Variants in TRAPPC10 observed in about 807,000 individuals in gnomAD.
TRAPPC10 encodes the protein TRAPP 130 kDa subunit.
A neutral mutation model predicts 125.5 loss-of-function variants in TRAPPC10; 23 were observed. The observed-to-expected ratio is 0.18, with a 90% CI of 0.13 to 0.26. The LOEUF (loss-of-function observed/expected upper bound fraction) is 0.26. Ranked by LOEUF, TRAPPC10 falls within the 10% of genes least tolerant of loss-of-function variation. TRAPPC10 has a pLI of 1.00. For missense variants in TRAPPC10, 1,123 were observed against 1,308.4 expected, an observed-to-expected ratio of 0.86 and a Z score of 2.19; for synonymous variants, 509 against 518.0, an observed-to-expected ratio of 0.98 and a Z score of 0.24.
At chr21:44,084,396 AT>A (rs1185097150) in intron 15 of TRAPPC10, 133 bp downstream of exon 15, 3 of 864,282 alleles carry the variant, frequency 3.5e-6, no homozygotes. Flanking sequence ...CATAATGGAA[AT>A]TTTGCCTGGG....
rs954810521 is a variant in TRAPPC10 at position 44,047,565 on chromosome 21, T to TGTGTGTGTGTGTGTGTGTGTGTGCGC, written c.286-4714_286-4713insTGTGTGTGTGTGTGTGTGTGTGCGCG. Among the ~76,000 whole-genome samples, 377 of 147,164 alleles carry TGTGTGTGTGTGTGTGTGTGTGTGCGC rather than the reference T, an allele frequency of 2.6e-3. 5 individuals are homozygous for TGTGTGTGTGTGTGTGTGTGTGTGCGC. The highest frequency in any genetic ancestry group is 8.7e-3 in the African/African-American group (335 of 38,684). On this transcript the variant is annotated intron_variant, in intron 3 of 22. Coordinates refer to ENST00000291574, the MANE Select transcript of TRAPPC10 (RefSeq NM_003274.5). ...GTGTGTGTGTGTGTGTGTGTGTGTG[T>TGTGTGTGTGTGTGTGTGTGTGTGCGC]GCGCGCACACGCTACATGAAGTTCC... is the stretch of plus-strand genomic sequence containing the variant.
At chr21:44,029,949 C>T (rs1187007258) in intron 1 of TRAPPC10, among the ~76,000 whole-genome samples, 3 of 152,142 alleles carry the variant, frequency 2.0e-5, no homozygotes, top group African/African-American at 4.8e-5. Flanking sequence ...TCAGATGGTC[C>T]CAGGTCAAAT....
At chr21:44,040,685 G>A (rs149373826) in intron 3 of TRAPPC10, among the ~76,000 whole-genome samples, 1 of 151,632 alleles carries the variant, frequency 6.6e-6, no homozygotes, top group African/African-American at 2.4e-5. Flanking sequence ...GCAGTGGTGC[G>A]ATCTTGGTTC....
In TRAPPC10 at chr21:44,046,709, T is replaced by C. The variant is rs149847492; in HGVS notation, c.286-5571T>C. On this transcript the variant is annotated intron_variant, in intron 3 of 22. Coordinates refer to ENST00000291574, the MANE Select transcript of TRAPPC10 (RefSeq NM_003274.5). ...TTTTAGTAGAGACGGGGTTTCTCCA[T>C]GTTGGTCAGGCTGGTCTTGAACTTC... 473 of 336,782 alleles carry C rather than the reference T, an allele frequency of 1.4e-3. 3 individuals carry two copies. The highest frequency in any genetic ancestry group is 9.5e-3 in the African/African-American group (433 of 45,752). 20.9% of individuals were successfully genotyped at this position (336,782 alleles called of 1,614,324 possible).
At chr21:44,093,973 C>G (rs2038755706) in intron 19 of TRAPPC10, 90 bp from the exon 20 acceptor site, 1 of 1,395,376 alleles carries the variant, frequency 7.2e-7, no homozygotes, top group Admixed American at 2.0e-5. Flanking sequence ...TGCTCAGCAC[C>G]CTTCGCATGG....
chr21:44,073,653 C>T (rs1289503077), intron 7 of TRAPPC10, among the ~76,000 whole-genome samples: 2 of 152,202 alleles, frequency 1.3e-5, no homozygotes, highest in African/African-American at 4.8e-5. Flanking sequence ...ACTTCATCTG[C>T]ATCCTCGTTC....
chr21:44,082,737 C>T lies in TRAPPC10; in HGVS notation c.1724-51C>T, dbSNP rs1474456655. ...TGTGTCCGCGGCCTGCTGCTGCTTACTGTCAGGAAGTGTGACTTGGGGAGT... is the reference window on the plus strand; with the variant it reads ...TGTGTCCGCGGCCTGCTGCTGCTTATTGTCAGGAAGTGTGACTTGGGGAGT... On this transcript the variant is annotated intron_variant, in intron 13 of 22. Coordinates refer to ENST00000291574, the MANE Select transcript of TRAPPC10 (RefSeq NM_003274.5). The surrounding 1 kb of genome is among the most constrained non-coding windows in gnomAD (Gnocchi z 4.4). The T allele has an allele frequency of 6.3e-7, 1 of 1,598,754 alleles. No homozygotes were observed.
Position 44,091,986 on chromosome 21 carries a change from T to C in TRAPPC10, c.2934T>C (p.Tyr978=), listed in dbSNP as rs1422262060. Residue 978 remains tyrosine (Y), a synonymous_variant, in exon 19 of 23, where the codon TAT becomes TAC. Coordinates refer to ENST00000291574, the MANE Select transcript of TRAPPC10 (RefSeq NM_003274.5). The stretch of plus-strand genomic sequence containing the variant: ...TTGACTTTCAGCTGTCAGATAGTTA[T>C]CTTGTAGATACCGGTGATAGTACCG... ...SELDFQLSDS[Y]LVDTGDSTDL... 3 of 1,614,058 alleles carry C rather than the reference T, an allele frequency of 1.9e-6. No individual in the cohort carries two copies. The highest frequency in any genetic ancestry group is 2.2e-5 in the South Asian group (2 of 91,088).
Position 44,042,046 on chromosome 21 carries a change from TTCTC to T in TRAPPC10, c.285+4123_285+4126del, listed in dbSNP as rs988690820. 4.8e-4 allele frequency among the ~76,000 whole-genome samples: 73 copies of T among 152,294 alleles called. 1 individual carries two copies. The Middle Eastern group carries it at 0.02, about 43-fold the overall frequency. ...ATTTCTTATTTTGTATATTTGTGCTTTCTCTCTTTCTTCCTTGATTAAATTAGCT... is the reference window on the plus strand; with the variant it reads ...ATTTCTTATTTTGTATATTTGTGCTTTCTTTCTTCCTTGATTAAATTAGCT... On this transcript the variant is annotated intron_variant, in intron 3 of 22. Transcript: ENST00000291574.
chr21:44,089,950 G>A lies in TRAPPC10; in HGVS notation c.2870+17G>A, dbSNP rs373150278. ...AGGAACACGGTAACGGAGGCGTAGC[G>A]TGCGGGCCCTGGCTTCTTTCCCCAG... On this transcript the variant is annotated intron_variant, in intron 18 of 22. Coordinates refer to ENST00000291574, the MANE Select transcript of TRAPPC10 (RefSeq NM_003274.5). The A allele has an allele frequency of 1.6e-5, 25 of 1,597,476 alleles. No homozygotes were observed. The highest frequency in any genetic ancestry group is 1.5e-4 in the African/African-American group (11 of 74,576).
chr21:44,062,840 C>T (rs748548936), intron 6 of TRAPPC10: 1 of 985,292 alleles, frequency 1.0e-6, no homozygotes, highest in African/African-American at 1.7e-5. Context: ...GGTTATGACA[C>T]CTCTCTGTTG....
chr21:44,074,245 C>G (rs2037106542), intron 7 of TRAPPC10, 79 bp from the exon 8 acceptor site: 1 of 1,574,694 alleles, frequency 6.4e-7, no homozygotes, highest in Admixed American at 1.7e-5. Flanking sequence ...TTTGCACGTT[C>G]AAGCTAGAGC....
At position 44,055,758 on chromosome 21, in the gene TRAPPC10, C is replaced by T; in HGVS notation, c.543C>T (p.Ala181=). The T allele has an allele frequency of 6.2e-7, 1 of 1,613,672 alleles. No homozygotes were observed. Among genetic ancestry groups the T allele is most frequent in the Non-Finnish European group, 8.5e-7 (1 of 1,179,656 alleles). The change falls in exon 5 of 23, where the codon GCC becomes GCT. Residue 181 remains alanine, a synonymous_variant. Coordinates refer to ENST00000291574, the MANE Select transcript of TRAPPC10 (RefSeq NM_003274.5). ...DSSRTQESWN[A]FLTKLRTLLL... ...CTCGAACTCAGGAATCCTGGAATGC[C>T]TTCCTGACCAAACTCAGGACATTGC...
At chr21:44,052,800 T>G (rs914931857) in intron 4 of TRAPPC10, among the ~76,000 whole-genome samples, 3 of 151,542 alleles carry the variant, frequency 2.0e-5, no homozygotes, top group African/African-American at 7.3e-5. Context: ...AGGTTTTTGT[T>G]TTTTTTTTGA....
At chr21:44,066,075 T>C (rs2036430937) in intron 7 of TRAPPC10, among the ~76,000 whole-genome samples, 1 of 152,180 alleles carries the variant, frequency 6.6e-6, no homozygotes, top group Non-Finnish European at 1.5e-5. Flanking sequence ...GTTTTAGGGC[T>C]ACAGTTGAGC....
chr21:44,051,879 A>G (rs1323520420), intron 3 of TRAPPC10, among the ~76,000 whole-genome samples: 3 of 152,212 alleles, frequency 2.0e-5, no homozygotes, highest in Non-Finnish European at 4.4e-5. Context: ...AGATGAAGGC[A>G]CGGCACACAG....
At chr21:44,062,508 C>G (rs2036132993) in intron 6 of TRAPPC10, 1 of 983,270 alleles carries the variant, frequency 1.0e-6, no homozygotes, top group South Asian at 4.7e-5. Flanking sequence ...AGAGGCCTGA[C>G]TGAAATGTGG....
At chr21:44,088,025 C>A in intron 17 of TRAPPC10, 97 bp downstream of exon 17, 2 of 1,063,200 alleles carry the variant, frequency 1.9e-6, no homozygotes, top group Non-Finnish European at 1.4e-6. Context: ...GTTAGCCTGG[C>A]TCCTTCTGAT....
intron 5 of TRAPPC10, among the ~76,000 whole-genome samples, chr21:44,057,737 C>T (rs1206560165): frequency 6.6e-6 from 1 of 152,226 alleles, no homozygotes; most frequent in Non-Finnish European, 1.5e-5. Context: ...AGCAGTTTCT[C>T]TTGCAAAACA....
Sources: gnomAD v4.1 joint callset for allele counts (sites outside exome capture counted in the v4.1 genomes callset) on GRCh38, gnomAD v4.1.1 for gene constraint, Gnocchi (gnomAD v3.1) non-coding constraint, MANE v1.5 for transcripts, NCBI Gene and HGNC (gene_info 2026-07-23, HGNC 2026-07-21) for gene names.